The following TTC39A variants were observed in gnomAD, a reference collection of about 807,000 sequenced individuals.
The protein encoded by TTC39A is tetratricopeptide repeat domain 39A.
TTC39A carries 46 observed loss-of-function variants against 82.3 expected under a neutral mutation model. The ratio of observed to expected loss-of-function variants is 0.56; its 90% CI spans 0.44 to 0.71. The LOEUF (loss-of-function observed/expected upper bound fraction) is 0.71, where lower values mean the gene tolerates loss of function less well. TTC39A is among the 30% of genes least tolerant of loss of function. TTC39A has a pLI of 0.00. For synonymous variants in TTC39A, 254 were observed against 275.2 expected (o/e 0.92, Z 0.76); for missense variants, 543 against 712.9 (o/e 0.76, Z 2.71).
rs1008888191 is a variant in TTC39A, at chr1:51,321,851, C to T, written c.42-26G>A. 2.8e-5 allele frequency: 44 copies of T among 1,594,010 alleles called. No individual in the cohort carries two copies. Among genetic ancestry groups the T allele is most frequent in the Non-Finnish European group, 3.3e-5 (39 of 1,166,742 alleles). On this transcript the variant is annotated intron_variant, in intron 1 of 17. Coordinates refer to ENST00000680483, the MANE Select transcript of TTC39A (RefSeq NM_001297663.2). The surrounding 1 kb of genome is among the most constrained non-coding windows in gnomAD (Gnocchi z 4.6). Reference sequence around the variant, plus strand: ...CTGGGGGAAGAGATGCGGGGCATGACACAGGGGCCCTCCAACCCTCCAGCC... The same window carrying T: ...CTGGGGGAAGAGATGCGGGGCATGATACAGGGGCCCTCCAACCCTCCAGCC...
intron 2 of TTC39A, among the ~76,000 whole-genome samples, chr1:51,320,118 TGTCTGTCCTCCCAAGGATAGG>T (rs1199353303): frequency 2.6e-5 from 4 of 152,088 alleles, no homozygotes; most frequent in Non-Finnish European, 5.9e-5. Flanking sequence ...CCAGAAGACA[TGTCTGTCCTCCCAAGGATAGG>T]TTTCCAGGAA....
chr1:51,341,206 C>CA (rs1275251196), intron 1 of TTC39A, among the ~76,000 whole-genome samples: 2 of 128,306 alleles, frequency 1.6e-5, no homozygotes, highest in Admixed American at 9.1e-5. Flanking sequence ...ACACACACAC[C>CA]AAAAAAACAA....
intron 15 of TTC39A, 25 bp downstream of exon 15, chr1:51,290,489 G>A (rs1644166578): frequency 6.2e-7 from 1 of 1,602,866 alleles, no homozygotes; most frequent in Non-Finnish European, 8.5e-7. Flanking sequence ...TAGCATGGCA[G>A]GCCCAAGGGC....
rs1371116723 is a variant in TTC39A at position 51,330,557 on chromosome 1, C to A, written c.-80G>T. 1 of 983,178 alleles carries A rather than the reference C, an allele frequency of 1.0e-6. No individual in the cohort carries two copies. The highest frequency in any genetic ancestry group is 1.2e-6 in the Non-Finnish European group (1 of 829,744). The allele number at this position is 983,178 out of a possible 1,614,324, so 60.9% of individuals were successfully genotyped here. A position where few individuals can be genotyped will look rare whatever the true frequency, so the allele number is the denominator to read the frequency against. On this transcript the variant is annotated 5_prime_UTR_variant, in exon 1 of 18. Coordinates refer to ENST00000680483, the MANE Select transcript of TTC39A (RefSeq NM_001297663.2). The surrounding 1 kb of genome is among the most constrained non-coding windows in gnomAD (Gnocchi z 4.5). ...GCTGCCGCCGCAACCCCGAGCCGGG[C>A]GCTGTGCGGTCGCGGACGCGGCGGC...
chr1:51,312,078 C>G, intron 4 of TTC39A, 41 bp downstream of exon 4: 1 of 1,588,816 alleles, frequency 6.3e-7, no homozygotes, highest in Non-Finnish European at 8.6e-7. Context: ...AGCTGGCCAC[C>G]TGGGCTTAGC....
rs377080448 is a variant in TTC39A at position 51,294,368 on chromosome 1, G to C, written c.1266+23C>G. 6.2e-7 allele frequency: 1 copy of C among 1,613,776 alleles called. No homozygotes were observed. ...CACAATCCTATACCCGGAGGGCAGCGCCAGTCCAGACCTCCTACCCACCAG... is the reference window on the plus strand; with the variant it reads ...CACAATCCTATACCCGGAGGGCAGCCCCAGTCCAGACCTCCTACCCACCAG... On this transcript the variant is annotated intron_variant, in intron 14 of 17. Transcript: ENST00000680483. The surrounding 1 kb of genome is among the most constrained non-coding windows in gnomAD (Gnocchi z 4.3).
At chr1:51,344,934 CG>C in intron 1 of TTC39A, 1 of 1,520,764 alleles carries the variant, frequency 6.6e-7, no homozygotes, top group Non-Finnish European at 8.8e-7. Flanking sequence ...CTGGGTCCTC[CG>C]GCGGCCCCTT....
At chr1:51,335,564 A>G (rs1478236859), upstream of TTC39A, among the ~76,000 whole-genome samples, 4 of 99,448 alleles carry the variant, frequency 4.0e-5, no homozygotes, top group Admixed American at 8.9e-5. Context: ...CTTGTCTCAC[A>G]AAAAAAAAAA....
At position 51,294,551 on chromosome 1, in the gene TTC39A, A is replaced by T. The variant is rs752385688; in HGVS notation, c.1146-40T>A. 1 of 1,612,526 alleles carries T rather than the reference A, an allele frequency of 6.2e-7. No homozygotes were observed. The highest frequency in any genetic ancestry group is 1.1e-5 in the South Asian group (1 of 90,864). On this transcript the variant is annotated intron_variant, in intron 13 of 17. Coordinates refer to ENST00000680483, the MANE Select transcript of TTC39A (RefSeq NM_001297663.2). The surrounding 1 kb of genome is among the most constrained non-coding windows in gnomAD (Gnocchi z 4.3). The stretch of plus-strand genomic sequence containing the variant: ...GGGAGGGTGGGAGAGGATGAAAAAG[A>T]GCAGGAGAGGGCAGAGGGTCCCCAG...
rs1042639328 is a variant in TTC39A, at chr1:51,330,102, G to A, written c.41+335C>T. The A allele has an allele frequency of 1.0e-6, 1 of 978,624 alleles. No homozygotes were observed. The highest frequency in any genetic ancestry group is 1.2e-6 in the Non-Finnish European group (1 of 823,828). 60.6% of individuals were successfully genotyped at this position (978,624 alleles called of 1,614,324 possible). On this transcript the variant is annotated intron_variant, in intron 1 of 17. Coordinates refer to ENST00000680483, the MANE Select transcript of TTC39A (RefSeq NM_001297663.2). This position sits in a 1 kb window ranked among gnomAD's most constrained non-coding sequence, Gnocchi z 4.5. ...TCTCAGTTTCCTCATCTGTAATGGGGATGAGAGTAACAGGGCCCACCCCAC... is the reference window on the plus strand; with the variant it reads ...TCTCAGTTTCCTCATCTGTAATGGGAATGAGAGTAACAGGGCCCACCCCAC...
chr1:51,343,660 T>C lies in TTC39A; in HGVS notation c.53+1331A>G, dbSNP rs143972833. On this transcript the variant is annotated intron_variant, in intron 1 of 5. Coordinates refer to the TTC39A transcript ENST00000401051. ...GACCTGTATATCTGAAGTAACACCA[T>C]ACCTGCAGTGCCTAGTACAGTGCTG... Among the ~76,000 whole-genome samples, 237 of 152,348 alleles carry C rather than the reference T, an allele frequency of 1.6e-3. 1 individual carries two copies. The highest frequency in any genetic ancestry group is 5.4e-3 in the African/African-American group (223 of 41,590).
intron 1 of TTC39A, among the ~76,000 whole-genome samples, chr1:51,339,482 C>T (rs1433538280): frequency 6.6e-6 from 1 of 152,022 alleles, no homozygotes; most frequent in African/African-American, 2.4e-5. Context: ...CTCTTTTTTC[C>T]TGGGAAAGAA....
At chr1:51,323,275 C>T (rs968223120) in intron 1 of TTC39A, among the ~76,000 whole-genome samples, 1 of 151,844 alleles carries the variant, frequency 6.6e-6, no homozygotes, top group Non-Finnish European at 1.5e-5. Flanking sequence ...ATTTCTACTT[C>T]CTTTTTTATA....
rs1259734732 is a variant in TTC39A at position 51,301,349 on chromosome 1, T to G, written c.1053+223A>C. ...CAGTTCTACTGGACAGAGGGAGCCATGTTTCTGTCCTTTGTGACTAGAAAT... is the reference window on the plus strand; with the variant it reads ...CAGTTCTACTGGACAGAGGGAGCCAGGTTTCTGTCCTTTGTGACTAGAAAT... On this transcript the variant is annotated intron_variant, in intron 12 of 17. Coordinates refer to ENST00000680483, the MANE Select transcript of TTC39A (RefSeq NM_001297663.2). 1.9e-5 allele frequency: 10 copies of G among 524,914 alleles called. No homozygotes were observed. The East Asian group carries it at 2.8e-4, about 15-fold the overall frequency. 32.5% of individuals were successfully genotyped at this position (524,914 alleles called of 1,614,324 possible). A position where few individuals can be genotyped will look rare whatever the true frequency, so the allele number is the denominator to read the frequency against.
intron 1 of TTC39A, chr1:51,322,178 C>G (rs572032109): frequency 1.2e-5 from 19 of 1,540,600 alleles, no homozygotes; most frequent in East Asian, 2.4e-5. Flanking sequence ...CTGCTGCCCC[C>G]CCAGGGGGTG....
chr1:51,305,571 CTTAG>C, intron 7 of TTC39A: 1 of 313,542 alleles, frequency 3.2e-6, no homozygotes, highest in East Asian at 7.8e-5. Context: ...AGGAACAAGA[CTTAG>C]TTCTCTGTCC....
At chr1:51,331,548 G>A (rs1474830391), upstream of TTC39A, 1 of 985,320 alleles carries the variant, frequency 1.0e-6, no homozygotes, top group Non-Finnish European at 1.2e-6. Flanking sequence ...GAAGGGGACA[G>A]CCTGCAGAAG....
At position 51,294,516 on chromosome 1, in the gene TTC39A, GAA is replaced by G. The variant is rs780078431; in HGVS notation, c.1146-7_1146-6del. Reference sequence around the variant, plus strand: ...AGCTTCAGGCCTGGCACAGCTCTGCGAAAGAGATGGGGAGGGTGGGAGAGGAT... The same window carrying G: ...AGCTTCAGGCCTGGCACAGCTCTGCGAGAGATGGGGAGGGTGGGAGAGGAT... On this transcript the variant is annotated splice_polypyrimidine_tract_variant and splice_region_variant and intron_variant, in intron 13 of 17. Transcript: ENST00000680483. This position sits in a 1 kb window ranked among gnomAD's most constrained non-coding sequence, Gnocchi z 4.3. 4 of 1,613,742 alleles carry G rather than the reference GAA, an allele frequency of 2.5e-6. No homozygotes were observed. The Admixed American group carries it at 6.7e-5, about 27-fold the overall frequency.
chr1:51,324,065 A>G (rs1231157626), intron 1 of TTC39A, among the ~76,000 whole-genome samples: 1 of 152,132 alleles, frequency 6.6e-6, no homozygotes, highest in Admixed American at 6.6e-5. Context: ...CATTTAAGTT[A>G]CTTTTTTAAG....
Sources: gnomAD v4.1 joint callset for allele counts (sites outside exome capture counted in the v4.1 genomes callset) on GRCh38, gnomAD v4.1.1 for gene constraint, Gnocchi (gnomAD v3.1) non-coding constraint, MANE v1.5 for transcripts, NCBI Gene and HGNC (gene_info 2026-07-23, HGNC 2026-07-21) for gene names.